The following EPHA10 variants were observed in gnomAD, a reference collection of about 807,000 sequenced individuals.
EPHA10 encodes the protein EPH receptor A10, also known as ephrin type-A receptor 10.
A neutral mutation model predicts 109.7 loss-of-function variants in EPHA10; 120 were observed. That is an observed-to-expected ratio of 1.09 (90% confidence interval 0.94 to 1.27). The LOEUF (loss-of-function observed/expected upper bound fraction) is 1.27, where lower values mean the gene tolerates loss of function less well. EPHA10 is among the 50% of genes most tolerant of loss of function. The pLI, the probability that EPHA10 is intolerant of heterozygous loss-of-function variation, is 0.00. For synonymous variants in EPHA10, 640 were observed against 618.9 expected, an observed-to-expected ratio of 1.03 and a Z score of -0.51; for missense variants, 1,396 against 1,411.1, an observed-to-expected ratio of 0.99 and a Z score of 0.17.
rs754140327 is a variant in EPHA10 at position 37,753,259 on chromosome 1, G to T, written c.1007-33C>A. The T allele has an allele frequency of 5.6e-4, 688 of 1,239,510 alleles. 5 individuals are homozygous for T. Among genetic ancestry groups the T allele is most frequent in the Admixed American group, 1.4e-3 (33 of 23,392 alleles). 76.8% of individuals were successfully genotyped at this position (1,239,510 alleles called of 1,614,324 possible). The stretch of plus-strand genomic sequence containing the variant: ...GGCACAGGGGCGGGGCGGTCAGGGC[G>T]GGGCGTGGGTGCCCGTGAGAGGGGC... On this transcript the variant is annotated intron_variant, in intron 4 of 16. Coordinates refer to ENST00000373048, the MANE Select transcript of EPHA10 (RefSeq NM_001099439.2).
chr1:37,720,111 T>TC lies in EPHA10; in HGVS notation c.2413-54dup, dbSNP rs796161874. ...GGAGGAACTGGGTGACACGCAGGTTTCCCCACCCCACTGAGCCCCAGATCC... is the reference window on the plus strand; with the variant it reads ...GGAGGAACTGGGTGACACGCAGGTTTCCCCCACCCCACTGAGCCCCAGATCC... On this transcript the variant is annotated intron_variant, in intron 13 of 16. Coordinates refer to ENST00000373048, the MANE Select transcript of EPHA10 (RefSeq NM_001099439.2). 33 of 1,601,708 alleles carry TC rather than the reference T, an allele frequency of 2.1e-5. No individual in the cohort carries two copies. In the African/African-American group the frequency reaches 4.3e-4, roughly 21 times the overall value.
chr1:37,761,089 T>TAAAAA, intron 3 of EPHA10: 7 of 912,496 alleles, frequency 7.7e-6, no homozygotes, highest in Non-Finnish European at 8.1e-6. Flanking sequence ...CTCCTTATTT[T>TAAAAA]AAAAAAAAAA....
chr1:37,760,532 C>A (rs896547841), intron 3 of EPHA10: 10 of 868,626 alleles, frequency 1.2e-5, no homozygotes, highest in African/African-American at 3.5e-5. Flanking sequence ...GCATAAAAAT[C>A]CCCCCTGCCA....
intron 10 of EPHA10, chr1:37,722,775 A>C: frequency 1.7e-6 from 1 of 595,962 alleles, no homozygotes; most frequent in South Asian, 1.6e-5. Flanking sequence ...CTGGGACTAA[A>C]CTGCCAGTGG....
At chr1:37,721,540 G>T in intron 11 of EPHA10, 120 bp downstream of exon 11, 1 of 1,072,160 alleles carries the variant, frequency 9.3e-7, no homozygotes, top group Non-Finnish European at 1.3e-6. Context: ...CCTGGCTGAA[G>T]CTCCCTCCCA....
chr1:37,736,288 T>A (rs1231215845), intron 5 of EPHA10, among the ~76,000 whole-genome samples: 2 of 151,918 alleles, frequency 1.3e-5, no homozygotes, highest in African/African-American at 4.8e-5. Flanking sequence ...ACCAGCCTGA[T>A]CAAATGGTGA....
At chr1:37,761,129 A>C in intron 3 of EPHA10, 1 of 1,271,256 alleles carries the variant, frequency 7.9e-7, no homozygotes, top group East Asian at 3.1e-5. Context: ...ATTGCCATGA[A>C]AATAAATAAA....
intron 5 of EPHA10, among the ~76,000 whole-genome samples, chr1:37,744,022 C>G (rs1486056849): frequency 6.6e-6 from 1 of 152,130 alleles, no homozygotes; most frequent in East Asian, 1.9e-4. Flanking sequence ...GCACTACAAT[C>G]AGCAACGTAA....
chr1:37,720,277 G>T, intron 13 of EPHA10, 74 bp downstream of exon 13: 3 of 1,483,436 alleles, frequency 2.0e-6, no homozygotes, highest in East Asian at 2.4e-5. Context: ...GAGTAGAAGT[G>T]GGGAGTTAAG....
chr1:37,730,572 C>T (rs1376763947), intron 7 of EPHA10, among the ~76,000 whole-genome samples: 2 of 152,074 alleles, frequency 1.3e-5, no homozygotes, highest in Non-Finnish European at 2.9e-5. Context: ...CACAATATTG[C>T]GGAGAAGCCG....
intron 8 of EPHA10, among the ~76,000 whole-genome samples, chr1:37,723,596 T>A (rs185892252): frequency 1.6e-4 from 25 of 152,180 alleles, no homozygotes; most frequent in Middle Eastern, 3.4e-3. Flanking sequence ...ACCACCACCA[T>A]CCCTAGCTAC....
At chr1:37,763,296 C>G (rs1646449193) in intron 1 of EPHA10, among the ~76,000 whole-genome samples, 1 of 152,096 alleles carries the variant, frequency 6.6e-6, no homozygotes, top group Admixed American at 6.5e-5. Flanking sequence ...TGGTCCCCTC[C>G]TCCATCTTCA....
intron 6 of EPHA10, chr1:37,734,718 A>C (rs1168169969): frequency 4.5e-6 from 2 of 441,116 alleles, no homozygotes; most frequent in African/African-American, 2.0e-5. Flanking sequence ...TATGGAGTTC[A>C]CAATCAAGAG....
At chr1:37,725,466 A>C (rs539199684) in intron 8 of EPHA10, among the ~76,000 whole-genome samples, 2 of 142,906 alleles carry the variant, frequency 1.4e-5, no homozygotes, top group South Asian at 4.4e-4. Flanking sequence ...AGATCATGCC[A>C]CTGCACCTCA....
In EPHA10 at chr1:37,754,203, G is replaced by T. The variant is rs1200115855; in HGVS notation, c.1006+12C>A. On this transcript the variant is annotated intron_variant, in intron 4 of 16. Transcript: ENST00000373048. The surrounding 1 kb of genome is among the most constrained non-coding windows in gnomAD (Gnocchi z 4.5). Reference sequence around the variant, plus strand: ...CCCACCCTCCGCAGTGCAGCCTGGAGGGGGGACTCACGGGTGCAGGAAGCC... The same window carrying T: ...CCCACCCTCCGCAGTGCAGCCTGGATGGGGGACTCACGGGTGCAGGAAGCC... The T allele has an allele frequency of 5.4e-6, 7 of 1,285,920 alleles. No individual in the cohort carries two copies. In the Admixed American group the frequency reaches 1.2e-4, roughly 23 times the overall value. 79.7% of individuals were successfully genotyped at this position (1,285,920 alleles called of 1,614,324 possible). A position where few individuals can be genotyped will look rare whatever the true frequency, so the allele number is the denominator to read the frequency against.
rs182275606 is a variant in EPHA10, at chr1:37,723,236, G to C, written c.1835-70C>G. The C allele has an allele frequency of 1.7e-4, 271 of 1,606,994 alleles. 1 individual carries two copies. The African/African-American group carries it at 3.4e-3, about 20-fold the overall frequency. Reference sequence around the variant, plus strand: ...TGGGGCTGACAAGCGGGCTCATGCAGTGTAGCAAGGCAGAGGGCTGAGGAG... The same window carrying C: ...TGGGGCTGACAAGCGGGCTCATGCACTGTAGCAAGGCAGAGGGCTGAGGAG... On this transcript the variant is annotated intron_variant, in intron 9 of 16. Coordinates refer to ENST00000373048, the MANE Select transcript of EPHA10 (RefSeq NM_001099439.2).
chr1:37,719,413 C>A lies in EPHA10; in HGVS notation c.2756+1G>T, dbSNP rs754542097. On this transcript the variant is annotated splice_donor_variant, in intron 15 of 16. Coordinates refer to ENST00000373048, the MANE Select transcript of EPHA10 (RefSeq NM_001099439.2). LOFTEE classifies it high-confidence loss of function. Reference sequence around the variant, plus strand: ...GCTGGCTGTCCCATGTGGGAACGTACCTGGGACAGGTAGTCAGGGCACACT... The same window carrying A: ...GCTGGCTGTCCCATGTGGGAACGTAACTGGGACAGGTAGTCAGGGCACACT... 1 of 1,611,534 alleles carries A rather than the reference C, an allele frequency of 6.2e-7. No individual in the cohort carries two copies. The highest frequency in any genetic ancestry group is 8.5e-7 in the Non-Finnish European group (1 of 1,179,534).
intron 5 of EPHA10, among the ~76,000 whole-genome samples, chr1:37,738,264 G>A (rs1646101051): frequency 6.6e-6 from 1 of 152,094 alleles, no homozygotes; most frequent in African/African-American, 2.4e-5. Context: ...CTACTCCAGA[G>A]GCTGAGGCAC....
Position 37,735,466 on chromosome 1 carries a change from G to A in EPHA10, c.1358-76C>T, listed in dbSNP as rs150832733. The A allele has an allele frequency of 3.1e-3, 4,704 of 1,499,650 alleles. 122 individuals carry two copies. The African/African-American group carries it at 0.057, about 18-fold the overall frequency. 92.9% of individuals were successfully genotyped at this position (1,499,650 alleles called of 1,614,324 possible). On this transcript the variant is annotated intron_variant, in intron 5 of 16. Transcript: ENST00000373048. Reference sequence around the variant, plus strand: ...GCTGGGGGTGCGGGGAAGAGGGTGCGGCGTGCGGGGCTGTGGGACCGGACT... The same window carrying A: ...GCTGGGGGTGCGGGGAAGAGGGTGCAGCGTGCGGGGCTGTGGGACCGGACT...
Sources: allele counts gnomAD v4.1 joint callset (sites outside exome capture counted in the v4.1 genomes callset), GRCh38; gene constraint gnomAD v4.1.1; non-coding constraint Gnocchi (gnomAD v3.1); transcripts MANE v1.5; gene names NCBI Gene and HGNC (gene_info 2026-07-23, HGNC 2026-07-21).